CRTC1: variants seen among roughly 807,000 people sequenced by gnomAD.
The protein encoded by CRTC1 is CREB-regulated transcription coactivator 1.
Under a neutral mutation model 66.1 loss-of-function variants are expected in CRTC1, and 18 were observed. That is an observed-to-expected ratio of 0.27 (90% CI 0.19 to 0.40). The LOEUF (loss-of-function observed/expected upper bound fraction) is 0.40. CRTC1 is among the 10% of genes least tolerant of loss of function. CRTC1 has a pLI of 1.00. For missense variants in CRTC1, 669 were observed against 887.9 expected (o/e 0.75, Z 3.13); for synonymous variants, 416 against 398.8 (o/e 1.04, Z -0.51).
At chr19:18,709,892 G>A (rs1002732015) in intron 1 of CRTC1, among the ~76,000 whole-genome samples, 12 of 152,124 alleles carry the variant, frequency 7.9e-5, no homozygotes, top group African/African-American at 2.4e-4. Flanking sequence ...CTCCAGCAGC[G>A]GTGACTTTGC....
chr19:18,752,556 T>A (rs562491520), intron 5 of CRTC1, among the ~76,000 whole-genome samples: 1 of 152,244 alleles, frequency 6.6e-6, no homozygotes, highest in East Asian at 1.9e-4. Context: ...TGAGCTCAAG[T>A]AATCTGCCTG....
Position 18,721,256 on chromosome 19 carries a change from C to T in CRTC1, c.127-21654C>T, listed in dbSNP as rs796776871. ...TCGTCCAGGCTGGAGGGCAGTGGCGCGATCTCGGCTCACTGCAAGCTCCGC... is the reference window on the plus strand; with the variant it reads ...TCGTCCAGGCTGGAGGGCAGTGGCGTGATCTCGGCTCACTGCAAGCTCCGC... On this transcript the variant is annotated intron_variant, in intron 1 of 13. Transcript: ENST00000321949. Among the ~76,000 whole-genome samples, 41 of 150,536 alleles carry T rather than the reference C, an allele frequency of 2.7e-4. 1 individual carries two copies. Among genetic ancestry groups the T allele is most frequent in the African/African-American group, 9.8e-4 (40 of 40,820 alleles).
At chr19:18,698,676 T>G (rs1338912516) in intron 1 of CRTC1, among the ~76,000 whole-genome samples, 1 of 151,090 alleles carries the variant, frequency 6.6e-6, no homozygotes, top group Non-Finnish European at 1.5e-5. Context: ...TCTCAGCACA[T>G]GCACAGTGTG....
At chr19:18,776,643 A>G (rs2054995562) in intron 13 of CRTC1, among the ~76,000 whole-genome samples, 1 of 152,218 alleles carries the variant, frequency 6.6e-6, no homozygotes, top group Non-Finnish European at 1.5e-5. Flanking sequence ...GACCCCCGCA[A>G]TGGCCTCAAG....
intron 1 of CRTC1, among the ~76,000 whole-genome samples, chr19:18,731,947 A>G (rs1235947160): frequency 1.3e-5 from 2 of 152,126 alleles, no homozygotes; most frequent in Non-Finnish European, 2.9e-5. Context: ...CTGCAGGGAG[A>G]GTCCTGGGCT....
intron 4 of CRTC1, 111 bp downstream of exon 4, chr19:18,747,225 A>C: frequency 1.3e-6 from 1 of 751,052 alleles, no homozygotes; most frequent in Non-Finnish European, 2.2e-6. Flanking sequence ...CAATGACCAA[A>C]CTAAGATGCA....
chr19:18,762,555 A>G (rs1395939888), intron 8 of CRTC1, among the ~76,000 whole-genome samples: 1 of 152,028 alleles, frequency 6.6e-6, no homozygotes, highest in Admixed American at 6.6e-5. Context: ...CTCCATCTAC[A>G]TTTCCCATAT....
chr19:18,762,413 G>A (rs554710621), intron 8 of CRTC1, among the ~76,000 whole-genome samples: 1 of 152,296 alleles, frequency 6.6e-6, no homozygotes, highest in Admixed American at 6.5e-5. Context: ...AAATCAAGCC[G>A]AGCTGCCGGC....
intron 1 of CRTC1, among the ~76,000 whole-genome samples, chr19:18,702,867 C>T (rs953799700): frequency 2.0e-5 from 3 of 152,096 alleles, no homozygotes; most frequent in African/African-American, 7.2e-5. Context: ...AGGGAATACC[C>T]ATAACCCCCC....
chr19:18,753,281 AAAT>A (rs2054409998), intron 5 of CRTC1, among the ~76,000 whole-genome samples: 1 of 112,092 alleles, frequency 8.9e-6, no homozygotes, highest in Non-Finnish European at 2.1e-5. Flanking sequence ...GTCTCTAAAT[AAAT>A]AAATAAATAA....
rs1292559128 is a variant in CRTC1, at chr19:18,768,851, G to A, written c.1320+58G>A. The A allele has an allele frequency of 5.9e-6, 9 of 1,520,816 alleles. No homozygotes were observed. The highest frequency in any genetic ancestry group is 4.9e-5 in the East Asian group (2 of 40,976). The allele number at this position is 1,520,816 out of a possible 1,614,324, so 94.2% of individuals were successfully genotyped here. A position where few individuals can be genotyped will look rare whatever the true frequency, so the allele number is the denominator to read the frequency against. ...CTGGGGGTCTTGTAGAGGACAGCCC[G>A]GGGGCTGCAGAACAGTCGGGTTACC... On this transcript the variant is annotated intron_variant, in intron 10 of 13. Transcript: ENST00000321949. This position sits in a 1 kb window ranked among gnomAD's most constrained non-coding sequence, Gnocchi z 5.6.
chr19:18,769,025 C>T (rs1475270033), intron 10 of CRTC1, among the ~76,000 whole-genome samples: 2 of 152,258 alleles, frequency 1.3e-5, no homozygotes, highest in African/African-American at 4.8e-5. Context: ...CCAGATTCCA[C>T]CCAAGGTGGG....
intron 1 of CRTC1, among the ~76,000 whole-genome samples, chr19:18,696,760 C>A (rs1478515209): frequency 6.6e-6 from 1 of 151,796 alleles, no homozygotes; most frequent in South Asian, 2.1e-4. Flanking sequence ...AATGGCCCCA[C>A]CTGTGTGTCC....
intron 1 of CRTC1, among the ~76,000 whole-genome samples, chr19:18,716,443 G>C (rs2145606061): frequency 6.6e-6 from 1 of 152,150 alleles, no homozygotes; most frequent in Middle Eastern, 3.4e-3. Context: ...GTAGAGATGG[G>C]GTTTCACCAT....
intron 12 of CRTC1, 116 bp downstream of exon 12, chr19:18,775,102 C>A: frequency 9.8e-7 from 1 of 1,017,740 alleles, no homozygotes; most frequent in African/African-American, 1.6e-5. Context: ...GGGCCCGTGC[C>A]TGCCCCTCAG....
intron 1 of CRTC1, among the ~76,000 whole-genome samples, chr19:18,718,875 TG>T (rs1210653428): frequency 6.6e-6 from 1 of 152,034 alleles, no homozygotes; most frequent in Non-Finnish European, 1.5e-5. Context: ...CCATACAGAT[TG>T]GGGGTTTATT....
chr19:18,705,220 C>T lies in CRTC1; in HGVS notation c.126+21392C>T, dbSNP rs115899561. Reference sequence around the variant, plus strand: ...CTGGTTTCACCATTTGGCTATTGTGCGTAGTGCTGCTGTGAACATTGGTGT... The same window carrying T: ...CTGGTTTCACCATTTGGCTATTGTGTGTAGTGCTGCTGTGAACATTGGTGT... On this transcript the variant is annotated intron_variant, in intron 1 of 13. Transcript: ENST00000321949. Among the ~76,000 whole-genome samples, 1,267 of 152,204 alleles carry T rather than the reference C, an allele frequency of 8.3e-3. 21 individuals are homozygous for T. Among genetic ancestry groups the T allele is most frequent in the African/African-American group, 0.027 (1,123 of 41,522 alleles).
chr19:18,726,528 T>A (rs2053756347), intron 1 of CRTC1, among the ~76,000 whole-genome samples: 1 of 152,198 alleles, frequency 6.6e-6, no homozygotes, highest in Non-Finnish European at 1.5e-5. Context: ...ATCCAGAACC[T>A]GTGAGTGAGC....
At chr19:18,749,901 C>T (rs1237105886) in intron 5 of CRTC1, 26 bp downstream of exon 5, 2 of 1,593,296 alleles carry the variant, frequency 1.3e-6, no homozygotes, top group Admixed American at 1.7e-5. Flanking sequence ...TCGGGTGTCT[C>T]TGCTGGGGTG....
Sources: gnomAD v4.1 joint callset for allele counts (sites outside exome capture counted in the v4.1 genomes callset) on GRCh38, gnomAD v4.1.1 for gene constraint, Gnocchi (gnomAD v3.1) non-coding constraint, MANE v1.5 for transcripts, NCBI Gene and HGNC (gene_info 2026-07-23, HGNC 2026-07-21) for gene names.